TENM2: variants seen among roughly 807,000 people sequenced by gnomAD.
The protein encoded by TENM2 is teneurin-2.
A neutral mutation model predicts 245.2 loss-of-function variants in TENM2; 52 were observed. The observed-to-expected ratio is 0.21, with a 90% CI of 0.17 to 0.27. The LOEUF (loss-of-function observed/expected upper bound fraction) is 0.27, where lower values mean the gene tolerates loss of function less well. TENM2 is among the 10% of genes least tolerant of loss of function. TENM2 has a pLI of 1.00. For missense variants in TENM2, 3,046 were observed against 3,666.8 expected, an observed-to-expected ratio of 0.83 and a Z score of 4.37; for synonymous variants, 1,363 against 1,438.9, an observed-to-expected ratio of 0.95 and a Z score of 1.19.
chr5:168,230,338 A>AAAT (rs1255073946), intron 25 of TENM2, among the ~76,000 whole-genome samples: 1 of 152,262 alleles, frequency 6.6e-6, no homozygotes, highest in Non-Finnish European at 1.5e-5. Context: ...TGTAATTTGA[A>AAAT]AATGAGGGAG....
chr5:167,016,166 A>T, the TENM2 span, among the ~76,000 whole-genome samples: 1 of 151,704 alleles, frequency 6.6e-6, no homozygotes, highest in Non-Finnish European at 1.5e-5. Flanking sequence ...ACACAGGAGA[A>T]TAGGGTGAAC....
chr5:167,956,036 C>T (rs190474498), intron 4 of TENM2, among the ~76,000 whole-genome samples: 48 of 152,278 alleles, frequency 3.2e-4, no homozygotes, highest in African/African-American at 1.1e-3. Flanking sequence ...ATGGGGATAG[C>T]ATTGAATCTA....
At chr5:167,900,614 A>T (rs1461871134) in intron 3 of TENM2, among the ~76,000 whole-genome samples, 1 of 152,212 alleles carries the variant, frequency 6.6e-6, no homozygotes, top group African/African-American at 2.4e-5. Flanking sequence ...TGGATAGATG[A>T]GGCTGATGCA....
chr5:167,706,648 T>C (rs1758545453), intron 2 of TENM2, among the ~76,000 whole-genome samples: 1 of 152,108 alleles, frequency 6.6e-6, no homozygotes, highest in Non-Finnish European at 1.5e-5. Context: ...TAATTCTGTT[T>C]TTAATTTTTT....
intron 2 of TENM2, among the ~76,000 whole-genome samples, chr5:167,592,601 C>T (rs1775952502): frequency 6.6e-6 from 1 of 152,146 alleles, no homozygotes; most frequent in Admixed American, 6.5e-5. Context: ...CAAATGGTGC[C>T]TCCAAGATGC....
intron 2 of TENM2, among the ~76,000 whole-genome samples, chr5:167,825,647 G>A (rs1194372437): frequency 2.6e-5 from 4 of 152,124 alleles, no homozygotes; most frequent in African/African-American, 4.8e-5. Context: ...GATCCCACGG[G>A]CTCTGCAGTC....
At chr5:167,140,424 A>C in the TENM2 span, among the ~76,000 whole-genome samples, 1 of 152,102 alleles carries the variant, frequency 6.6e-6, no homozygotes, top group Non-Finnish European at 1.5e-5. Context: ...ACCATCCTGA[A>C]TATCTGATTA....
intron 2 of TENM2, among the ~76,000 whole-genome samples, chr5:167,678,080 C>G (rs145016713): frequency 6.6e-6 from 1 of 152,062 alleles, no homozygotes; most frequent in Non-Finnish European, 1.5e-5. Context: ...ATGACTGTTT[C>G]TGTTATGCAC....
chr5:167,514,309 G>A (rs1415644423), intron 2 of TENM2, among the ~76,000 whole-genome samples: 5 of 152,018 alleles, frequency 3.3e-5, no homozygotes, highest in South Asian at 2.1e-4. Flanking sequence ...TTATGAACAC[G>A]GCCCCATCAC....
chr5:168,119,682 G>A (rs1795334736), intron 10 of TENM2, among the ~76,000 whole-genome samples: 1 of 152,132 alleles, frequency 6.6e-6, no homozygotes. Flanking sequence ...TTCCAGCTGA[G>A]GCTCCTTTTC....
At chr5:168,259,519 C>T (rs149495544) in intron 27 of TENM2, among the ~76,000 whole-genome samples, 17 of 152,184 alleles carry the variant, frequency 1.1e-4, no homozygotes, top group African/African-American at 1.7e-4. Flanking sequence ...ACCTGGGAGG[C>T]GGAGTTTGCA....
chr5:167,599,613 T>G (rs1026015954), intron 2 of TENM2, among the ~76,000 whole-genome samples: 7 of 152,198 alleles, frequency 4.6e-5, no homozygotes, highest in Non-Finnish European at 1.0e-4. Context: ...GCCCTTACCA[T>G]GTTGCTCATA....
rs1300832625 is a variant in TENM2, at chr5:167,371,345, T to C, written c.227-3853T>C. Among the ~76,000 whole-genome samples the C allele has an allele frequency of 4.0e-5, 6 of 148,760 alleles. No individual in the cohort carries two copies. The East Asian group carries it at 7.9e-4, about 20-fold the overall frequency. On this transcript the variant is annotated intron_variant, in intron 1 of 28. Coordinates refer to ENST00000518659, the Ensembl canonical transcript of TENM2. ...CTCCATGGCTCCCTGTTTTTTTTTT[T>C]TTTCTTTCTTTTCTTTTTTTTTTTT...
At chr5:167,322,920 G>A (rs1307911830) in intron 1 of TENM2, among the ~76,000 whole-genome samples, 12 of 152,202 alleles carry the variant, frequency 7.9e-5, no homozygotes, top group Admixed American at 7.9e-4. Context: ...CATAAATAGC[G>A]GGGTATTTCC....
intron 13 of TENM2, among the ~76,000 whole-genome samples, chr5:168,184,345 A>G (rs1167404123): frequency 1.3e-5 from 2 of 152,322 alleles, no homozygotes; most frequent in South Asian, 2.1e-4. Context: ...TGCAGACACT[A>G]GAAGAGCCAT....
intron 2 of TENM2, among the ~76,000 whole-genome samples, chr5:167,675,995 C>T (rs967081808): frequency 1.3e-5 from 2 of 152,046 alleles, no homozygotes; most frequent in Admixed American, 1.3e-4. Flanking sequence ...TTACCTACCC[C>T]ATGAAGCCTG....
At chr5:167,058,768 A>G in the TENM2 span, among the ~76,000 whole-genome samples, 2 of 151,900 alleles carry the variant, frequency 1.3e-5, no homozygotes, top group Non-Finnish European at 2.9e-5. Context: ...GGGGGCGGGG[A>G]AAAAAAAGAA....
At chr5:167,327,200 G>A (rs759767371) in intron 1 of TENM2, among the ~76,000 whole-genome samples, 7 of 151,598 alleles carry the variant, frequency 4.6e-5, no homozygotes, top group South Asian at 2.1e-4. Context: ...AACAGGCCCC[G>A]GTGTGTGATG....
At chr5:167,755,099 G>C in intron 2 of TENM2, 1 of 1,598,980 alleles carries the variant, frequency 6.3e-7, no homozygotes. Flanking sequence ...TGGCACAATT[G>C]AATGCAAGCC....
Sources: gnomAD v4.1 joint callset for allele counts (sites outside exome capture counted in the v4.1 genomes callset) on GRCh38, gnomAD v4.1.1 for gene constraint, MANE v1.5 for transcripts, NCBI Gene and HGNC (gene_info 2026-07-23, HGNC 2026-07-21) for gene names.